FAM222B: variants seen among roughly 807,000 people sequenced by gnomAD.
FAM222B encodes the protein protein FAM222B.
In FAM222B, 12 loss-of-function variants were observed where a neutral mutation model predicts 38.0. That is an observed-to-expected ratio of 0.32 (90% CI 0.20 to 0.51). The LOEUF is 0.51. FAM222B is among the 20% of genes least tolerant of loss of function. The probability of loss-of-function intolerance (pLI) is 0.97; values close to 1 mark genes in which losing one functional copy is unlikely to be tolerated. For missense variants in FAM222B, 716 were observed against 754.2 expected (o/e 0.95, Z 0.59); for synonymous variants, 329 against 317.2 (o/e 1.04, Z -0.40).
At position 28,759,396 on chromosome 17, in the gene FAM222B, T is replaced by A. The variant is rs375423930; in HGVS notation, c.563A>T (p.Gln188Leu). 1.9e-6 allele frequency: 3 copies of A among 1,601,768 alleles called. No individual in the cohort carries two copies. In the African/African-American group the frequency reaches 4.0e-5, roughly 22 times the overall value. ...CAGGCCCTGAGGCTGCTGGAGGCTC[T>A]GAGGGTGGGACAGTGCCTGGGGTGG... is the stretch of plus-strand genomic sequence containing the variant. ...IPPPQALSHPQSLQQPQGLGH... is the reference protein window; with the variant it reads ...IPPPQALSHPLSLQQPQGLGH... The change falls in exon 3 of 3, where the codon CAG becomes CTG. Residue 188 changes from glutamine to leucine, a missense_variant. Physicochemically the swap from Gln to Leu is moderately radical, Grantham distance 113. Coordinates refer to ENST00000581407, the MANE Select transcript of FAM222B (RefSeq NM_001077498.3). This position sits in a 1 kb window ranked among gnomAD's most constrained non-coding sequence, Gnocchi z 4.8.
chr17:28,765,681 G>A (rs999603650), intron 2 of FAM222B, among the ~76,000 whole-genome samples: 1 of 152,208 alleles, frequency 6.6e-6, no homozygotes, highest in East Asian at 1.9e-4. Context: ...GAGAAGGTAG[G>A]AAGGAGTCCG....
At chr17:28,774,774 T>G (rs987617010) in intron 1 of FAM222B, among the ~76,000 whole-genome samples, 1 of 151,632 alleles carries the variant, frequency 6.6e-6, no homozygotes, top group Non-Finnish European at 1.5e-5. Flanking sequence ...AAACCCCGTC[T>G]CTACTAAAAA....
intron 1 of FAM222B, among the ~76,000 whole-genome samples, chr17:28,782,005 C>T (rs2036186159): frequency 6.6e-6 from 1 of 152,154 alleles, no homozygotes; most frequent in South Asian, 2.1e-4. Context: ...CACTAGACTG[C>T]ACATACAATG....
At chr17:28,829,218 CTTT>C (rs58425199) in intron 1 of FAM222B, among the ~76,000 whole-genome samples, 7 of 140,940 alleles carry the variant, frequency 5.0e-5, no homozygotes, top group African/African-American at 1.3e-4. Context: ...TCTCTCTACT[CTTT>C]TTTTTTTTTT....
intron 1 of FAM222B, among the ~76,000 whole-genome samples, chr17:28,812,660 C>G (rs999844818): frequency 1.3e-5 from 2 of 152,110 alleles, no homozygotes; most frequent in South Asian, 4.1e-4. Flanking sequence ...AGCGCTGCCC[C>G]CATCTCTCCC....
chr17:28,815,255 C>A (rs1293250459), intron 1 of FAM222B, among the ~76,000 whole-genome samples: 1 of 151,556 alleles, frequency 6.6e-6, no homozygotes, highest in African/African-American at 2.4e-5. Context: ...GCTCTGTCAC[C>A]CAGGCTGGAG....
At chr17:28,763,016 T>C (rs2035159322) in intron 2 of FAM222B, among the ~76,000 whole-genome samples, 2 of 152,108 alleles carry the variant, frequency 1.3e-5, no homozygotes, top group African/African-American at 4.8e-5. Flanking sequence ...TCTTCTGTAA[T>C]GTATTTCTGT....
chr17:28,829,775 A>C (rs1349408186), intron 1 of FAM222B, among the ~76,000 whole-genome samples: 1 of 152,156 alleles, frequency 6.6e-6, no homozygotes, highest in African/African-American at 2.4e-5. Flanking sequence ...GCTGCTGTAA[A>C]CAGTCACATA....
intron 1 of FAM222B, among the ~76,000 whole-genome samples, chr17:28,803,941 A>C (rs537057093): frequency 6.6e-5 from 10 of 151,982 alleles, no homozygotes; most frequent in Non-Finnish European, 8.8e-5. Flanking sequence ...AGATCATGCC[A>C]CTGCGCTCCA....
chr17:28,769,799 T>C (rs1254795931), intron 1 of FAM222B, among the ~76,000 whole-genome samples: 2 of 152,094 alleles, frequency 1.3e-5, no homozygotes, highest in Non-Finnish European at 2.9e-5. Context: ...TTCCCTGCAG[T>C]TCCTTCAACG....
At chr17:28,765,617 A>G (rs1336858513) in intron 2 of FAM222B, among the ~76,000 whole-genome samples, 1 of 152,196 alleles carries the variant, frequency 6.6e-6, no homozygotes, top group Non-Finnish European at 1.5e-5. Context: ...GATACTATAC[A>G]TGGTAATGTG....
rs1421346216 is a variant in FAM222B at position 28,758,151 on chromosome 17, T to C, written c.*119A>G. ...TTAGATCCCACCAAATTCCCTTTCTTAGACATCTAAGAATGATCACACTGG... is the reference window on the plus strand; with the variant it reads ...TTAGATCCCACCAAATTCCCTTTCTCAGACATCTAAGAATGATCACACTGG... On this transcript the variant is annotated 3_prime_UTR_variant, in exon 3 of 3. Transcript: ENST00000581407. The C allele has an allele frequency of 1.1e-6, 1 of 917,440 alleles. No individual in the cohort carries two copies. The highest frequency in any genetic ancestry group is 1.7e-5 in the African/African-American group (1 of 59,856). The allele number at this position is 917,440 out of a possible 1,614,324, so 56.8% of individuals were successfully genotyped here. A position where few individuals can be genotyped will look rare whatever the true frequency, so the allele number is the denominator to read the frequency against.
chr17:28,760,683 T>C (rs1014767923), intron 2 of FAM222B, among the ~76,000 whole-genome samples: 1 of 152,120 alleles, frequency 6.6e-6, no homozygotes, highest in Non-Finnish European at 1.5e-5. Flanking sequence ...AGGGCCATGG[T>C]GGCCCTTCAG....
intron 1 of FAM222B, among the ~76,000 whole-genome samples, chr17:28,814,134 C>T (rs1385695123): frequency 1.3e-5 from 2 of 150,594 alleles, no homozygotes; most frequent in African/African-American, 2.4e-5. Flanking sequence ...GAGCAGAGAC[C>T]GTGCCACTGC....
At chr17:28,779,389 A>G (rs1199176391) in intron 1 of FAM222B, among the ~76,000 whole-genome samples, 1 of 152,198 alleles carries the variant, frequency 6.6e-6, no homozygotes, top group Non-Finnish European at 1.5e-5. Context: ...AAACAAATCT[A>G]TAAATGTGAT....
At chr17:28,846,252 C>T (rs2039145418), upstream of FAM222B, among the ~76,000 whole-genome samples, 1 of 151,570 alleles carries the variant, frequency 6.6e-6, no homozygotes, top group South Asian at 2.1e-4. Context: ...ACCTGTGGTC[C>T]CACCTACTTG....
At chr17:28,804,375 G>A (rs4794839) in intron 1 of FAM222B, among the ~76,000 whole-genome samples, 28,680 of 151,048 alleles carry the variant, frequency 0.19, 2,863 homozygotes, top group South Asian at 0.29. Flanking sequence ...TCGCCCTGTC[G>A]CCAGCCTAGA....
At position 28,811,544 on chromosome 17, in the gene FAM222B, C is replaced by T. The variant is rs2037767683; in HGVS notation, c.-41+31138G>A. On this transcript the variant is annotated intron_variant, in intron 1 of 2. Transcript: ENST00000581407. Reference sequence around the variant, plus strand: ...TTTTGACGATAGAAACTACTCCCTCCGAGGGTCTGTGAATATAAGAAATAT... The same window carrying T: ...TTTTGACGATAGAAACTACTCCCTCTGAGGGTCTGTGAATATAAGAAATAT... Among the ~76,000 whole-genome samples the T allele has an allele frequency of 3.9e-5, 6 of 152,072 alleles. No individual in the cohort carries two copies. The South Asian group carries it at 1.2e-3, about 31-fold the overall frequency.
chr17:28,829,067 G>A (rs1406367733), intron 1 of FAM222B, among the ~76,000 whole-genome samples: 3 of 151,492 alleles, frequency 2.0e-5, no homozygotes, highest in Non-Finnish European at 2.9e-5. Context: ...CACCATGCCC[G>A]GCTAATTTTT....
Sources: gnomAD v4.1 joint callset for allele counts (sites outside exome capture counted in the v4.1 genomes callset) on GRCh38, gnomAD v4.1.1 for gene constraint, Gnocchi (gnomAD v3.1) non-coding constraint, MANE v1.5 for transcripts, NCBI Gene and HGNC (gene_info 2026-07-23, HGNC 2026-07-21) for gene names.